CYP4F11: variants seen among roughly 807,000 people sequenced by gnomAD.
CYP4F11 encodes the protein cytochrome P450 4F11.
A neutral mutation model predicts 62.2 loss-of-function variants in CYP4F11; 79 were observed. The observed-to-expected ratio is 1.27, with a 90% CI of 1.06 to 1.53. The LOEUF (loss-of-function observed/expected upper bound fraction) is 1.53, where lower values mean the gene tolerates loss of function less well. Among genes scored for constraint, CYP4F11 ranks in the 40% most tolerant of loss-of-function variants. The pLI, the probability that CYP4F11 is intolerant of heterozygous loss-of-function variation, is 0.00. For synonymous variants in CYP4F11, 290 were observed against 263.7 expected (o/e 1.10, Z -0.97); for missense variants, 777 against 680.5 (o/e 1.14, Z -1.58).
At position 15,929,675 on chromosome 19, in the gene CYP4F11, C is replaced by T. The variant is rs77196869; in HGVS notation, c.199-74G>A. On this transcript the variant is annotated intron_variant, in intron 1 of 11. Coordinates refer to ENST00000402119, the MANE Select transcript of CYP4F11 (RefSeq NM_021187.4). ...CATCCTGAATTAATCATGAATTCCA[C>T]GTGACCGAGCCAAGAGATGCCCAGA... 3,515 of 1,495,764 alleles carry T rather than the reference C, an allele frequency of 2.3e-3. 92 individuals carry two copies. The African/African-American group carries it at 0.044, about 19-fold the overall frequency. 92.7% of individuals were successfully genotyped at this position (1,495,764 alleles called of 1,614,324 possible). A position where few individuals can be genotyped will look rare whatever the true frequency, so the allele number is the denominator to read the frequency against.
rs9676815 is a variant in CYP4F11 at position 15,921,089 on chromosome 19, T to C, written c.1115+948A>G. ...CTCTCTCTCTCTCTCTCTCTCTCTC[T>C]CTCTCTCTCTCTCTCCCTCTCTCTC... On this transcript the variant is annotated intron_variant, in intron 8 of 11. Coordinates refer to ENST00000402119, the MANE Select transcript of CYP4F11 (RefSeq NM_021187.4). Among the ~76,000 whole-genome samples the C allele has an allele frequency of 7.4e-4, 35 of 47,002 alleles. 1 individual carries two copies. The highest frequency in any genetic ancestry group is 1.5e-3 in the African/African-American group (26 of 16,786). 30.8% of individuals were successfully genotyped at this position (47,002 alleles called of 152,430 possible). A position where few individuals can be genotyped will look rare whatever the true frequency, so the allele number is the denominator to read the frequency against.
chr19:15,930,401 A>G (rs1035182253), intron 1 of CYP4F11, among the ~76,000 whole-genome samples: 13 of 152,138 alleles, frequency 8.5e-5, no homozygotes, highest in Non-Finnish European at 1.8e-4. Flanking sequence ...GACCAGCCTG[A>G]CCAACACAGC....
chr19:15,920,378 A>T (rs12978309), intron 8 of CYP4F11, among the ~76,000 whole-genome samples: 82,496 of 152,004 alleles, frequency 0.54, 22,957 homozygotes, highest in Non-Finnish European at 0.61. Context: ...CAGGATAGCC[A>T]TTTTCTAGGA....
At chr19:15,922,902 T>A (rs1485606551) in intron 6 of CYP4F11, among the ~76,000 whole-genome samples, 4 of 146,492 alleles carry the variant, frequency 2.7e-5, no homozygotes, top group Non-Finnish European at 6.1e-5. Flanking sequence ...AAAAAAAAAA[T>A]TAGCCTGGCA....
At chr19:15,916,486 G>A (rs1009060472) in intron 8 of CYP4F11, among the ~76,000 whole-genome samples, 1 of 152,038 alleles carries the variant, frequency 6.6e-6, no homozygotes, top group Non-Finnish European at 1.5e-5. Flanking sequence ...GAGTAAACAG[G>A]CAACCCACAT....
chr19:15,923,909 CGCTCCTGGATGACG>C lies in CYP4F11; in HGVS notation c.807_820del (p.Val270AlafsTer10). The C allele has an allele frequency of 6.2e-7, 1 of 1,614,206 alleles. No individual in the cohort carries two copies. Among genetic ancestry groups the C allele is most frequent in the Non-Finnish European group, 8.5e-7 (1 of 1,180,036 alleles). The stretch of plus-strand genomic sequence containing the variant: ...ACCCTGAGTGGGGAGGGTGCAGCGC[CGCTCCTGGATGACG>C]GCATCTGTGAAGTCGTGCACCAGGT... On this transcript the variant is annotated frameshift_variant, in exon 6 of 12. Coordinates refer to ENST00000402119, the MANE Select transcript of CYP4F11 (RefSeq NM_021187.4). LOFTEE classifies it high-confidence loss of function.
intron 8 of CYP4F11, among the ~76,000 whole-genome samples, chr19:15,921,071 TCTCTCTCTCTC>T (rs2089624047): frequency 1.2e-4 from 1 of 8,670 alleles, no homozygotes; most frequent in Non-Finnish European, 2.6e-4. Context: ...TCTCTCTCTC[TCTCTCTCTCTC>T]TCTCTCTCTC....
At position 15,929,472 on chromosome 19, in the gene CYP4F11, T is replaced by C. The variant is rs889319491; in HGVS notation, c.328A>G (p.Ile110Val). The C allele has an allele frequency of 2.5e-6, 4 of 1,613,960 alleles. No homozygotes were observed. Among genetic ancestry groups the C allele is most frequent in the Non-Finnish European group, 2.5e-6 (3 of 1,180,022 alleles). The change falls in exon 2 of 12, where the codon ATC becomes GTC. Residue 110 changes from isoleucine (I) to valine (V), a missense_variant. Ile to Val is a conservative substitution (Grantham distance 29). Coordinates refer to ENST00000402119, the MANE Select transcript of CYP4F11 (RefSeq NM_021187.4). ...GCACGGGTACCTGAGGCACTGGTGA[T>C]AGGCCGGATAATGTCAGGGTGGCAT... ...ILCHPDIIRP[I>V]TSASAAVAPK... is the part of the protein sequence containing the mutation.
intron 1 of CYP4F11, among the ~76,000 whole-genome samples, chr19:15,931,346 G>A (rs1350884762): frequency 1.3e-5 from 2 of 151,858 alleles, no homozygotes; most frequent in Non-Finnish European, 2.9e-5. Context: ...AGACTCAGGA[G>A]GCCTCAAGTC....
rs2089674427 is a variant in CYP4F11, at chr19:15,927,093, AC to A, written c.525+118del. 4.1e-6 allele frequency: 5 copies of A among 1,211,088 alleles called. No homozygotes were observed. In the East Asian group the frequency reaches 1.2e-4, roughly 29 times the overall value. The allele number at this position is 1,211,088 out of a possible 1,614,324, so 75.0% of individuals were successfully genotyped here. On this transcript the variant is annotated intron_variant, in intron 4 of 11. Coordinates refer to ENST00000402119, the MANE Select transcript of CYP4F11 (RefSeq NM_021187.4). ...TTATTCCCATTTTACAGATAGGGAA[AC>A]CAAGGCTCAGAGAGGAAGAGCATTG...
chr19:15,919,486 A>AGATG (rs1281438092), intron 8 of CYP4F11, among the ~76,000 whole-genome samples: 2 of 109,560 alleles, frequency 1.8e-5, no homozygotes, highest in Non-Finnish European at 4.0e-5. Context: ...ATAGATAGAT[A>AGATG]GATAGATAGA....
chr19:15,922,523 C>T, intron 6 of CYP4F11, 93 bp from the exon 7 acceptor site: 1 of 1,379,924 alleles, frequency 7.2e-7, no homozygotes, highest in East Asian at 2.3e-5. Flanking sequence ...AAGATCCATC[C>T]TCCTTCCAGA....
Position 15,929,511 on chromosome 19 carries a change from G to A in CYP4F11, c.289C>T (p.Pro97Ser), listed in dbSNP as rs753048387. 1.2e-6 allele frequency: 2 copies of A among 1,614,032 alleles called. No homozygotes were observed. Among genetic ancestry groups the A allele is most frequent in the Admixed American group, 1.7e-5 (1 of 60,014 alleles). ...TCAGGGTGGCATAAAATGAGGAGGG[G>A]GAAGGTAGGACCCAGCCACAACTTA... Reference protein sequence around the residue: ...GFKLWLGPTFPLLILCHPDII... With the variant: ...GFKLWLGPTFSLLILCHPDII... The change falls in exon 2 of 12, where the codon CCC (proline) becomes TCC (serine). Residue 97 changes from proline (P) to serine (S), a missense_variant. Transcript: ENST00000402119.
rs945700330 is a variant in CYP4F11 at position 15,934,412 on chromosome 19, G to T, written c.-4C>A. On this transcript the variant is annotated 5_prime_UTR_variant, in exon 1 of 12. Coordinates refer to ENST00000402119, the MANE Select transcript of CYP4F11 (RefSeq NM_021187.4). ...AGGACAGGCTCAGCTGCGGCATCCTGCAGGGCAGACGGGATGGAGGGTGGG... is the reference window on the plus strand; with the variant it reads ...AGGACAGGCTCAGCTGCGGCATCCTTCAGGGCAGACGGGATGGAGGGTGGG... The T allele has an allele frequency of 1.2e-6, 2 of 1,612,638 alleles. No homozygotes were observed. The highest frequency in any genetic ancestry group is 1.7e-6 in the Non-Finnish European group (2 of 1,179,470).
chr19:15,930,109 A>AT (rs11430289), intron 1 of CYP4F11, among the ~76,000 whole-genome samples: 84,806 of 151,690 alleles, frequency 0.56, 24,087 homozygotes, highest in Non-Finnish European at 0.61. Context: ...GCGGGAAGAT[A>AT]TCCTGTCAAT....
intron 1 of CYP4F11, among the ~76,000 whole-genome samples, chr19:15,930,938 G>A (rs765061765): frequency 2.6e-5 from 4 of 152,280 alleles, no homozygotes; most frequent in Non-Finnish European, 4.4e-5. Flanking sequence ...GTGCTAGTGT[G>A]TCCTATTCAC....
At chr19:15,926,312 G>T (rs2089668444) in intron 4 of CYP4F11, among the ~76,000 whole-genome samples, 1 of 152,180 alleles carries the variant, frequency 6.6e-6, no homozygotes, top group African/African-American at 2.4e-5. Flanking sequence ...AGAACATGCT[G>T]CTTGCTATGC....
chr19:15,914,737 C>T (rs2089569190), intron 9 of CYP4F11, 25 bp downstream of exon 9: 2 of 1,613,850 alleles, frequency 1.2e-6, no homozygotes, highest in Non-Finnish European at 1.7e-6. Context: ...ACCCAGGAGG[C>T]TCCTCCCCCT....
chr19:15,924,287 C>A (rs538393874), intron 5 of CYP4F11, among the ~76,000 whole-genome samples: 1 of 152,252 alleles, frequency 6.6e-6, no homozygotes, highest in African/African-American at 2.4e-5. Context: ...GGACACCATG[C>A]TTCTCTCCCG....
Sources: allele counts gnomAD v4.1 joint callset (sites outside exome capture counted in the v4.1 genomes callset), GRCh38; gene constraint gnomAD v4.1.1; transcripts MANE v1.5; gene names NCBI Gene and HGNC (gene_info 2026-07-23, HGNC 2026-07-21).